Variants in MAP7 observed in about 807,000 individuals in gnomAD.
The protein encoded by MAP7 is ensconsin.
A neutral mutation model predicts 94.8 loss-of-function variants in MAP7; 52 were observed. That is an observed-to-expected ratio of 0.55 (90% confidence interval 0.44 to 0.69). MAP7 has a LOEUF of 0.69. Among genes scored for constraint, MAP7 ranks in the 30% least tolerant of loss-of-function variants. The probability of loss-of-function intolerance (pLI) is 0.00; values close to 1 mark genes in which losing one functional copy is unlikely to be tolerated. For missense variants in MAP7, 940 were observed against 964.6 expected (o/e 0.97, Z 0.34); for synonymous variants, 350 against 357.0 (o/e 0.98, Z 0.22).
At chr6:136,404,546 T>C (rs898912554) in intron 3 of MAP7, among the ~76,000 whole-genome samples, 6 of 152,350 alleles carry the variant, frequency 3.9e-5, no homozygotes, top group East Asian at 3.9e-4. Flanking sequence ...AATGAAATTA[T>C]AGATTTGTAA....
chr6:136,549,483 C>T (rs545440610), intron 1 of MAP7, among the ~76,000 whole-genome samples: 59 of 152,066 alleles, frequency 3.9e-4, no homozygotes, highest in African/African-American at 1.4e-3. Flanking sequence ...GAGAGATGGG[C>T]GGGGTTGGGA....
chr6:136,493,481 G>C (rs543954482), intron 1 of MAP7, among the ~76,000 whole-genome samples: 3 of 152,044 alleles, frequency 2.0e-5, no homozygotes, highest in African/African-American at 7.3e-5. Flanking sequence ...GCAATGGCTT[G>C]AACATTGTTC....
intron 1 of MAP7, among the ~76,000 whole-genome samples, chr6:136,496,190 C>T (rs1818155494): frequency 6.6e-6 from 1 of 152,174 alleles, no homozygotes; most frequent in Non-Finnish European, 1.5e-5. Flanking sequence ...TAGGTATTTT[C>T]CCCCAGGGGA....
At chr6:136,373,539 A>G (rs1310705352) in intron 7 of MAP7, among the ~76,000 whole-genome samples, 1 of 152,240 alleles carries the variant, frequency 6.6e-6, no homozygotes, top group Non-Finnish European at 1.5e-5. Flanking sequence ...AACTTATTGC[A>G]AACAACAGTG....
intron 1 of MAP7, among the ~76,000 whole-genome samples, chr6:136,463,220 T>C (rs1415230485): frequency 6.6e-6 from 1 of 152,104 alleles, no homozygotes; most frequent in Admixed American, 6.5e-5. Context: ...TAACCAGAAA[T>C]ACAATTTTCA....
intron 2 of MAP7, among the ~76,000 whole-genome samples, chr6:136,412,681 G>A (rs553449644): frequency 6.6e-5 from 10 of 152,122 alleles, no homozygotes; most frequent in African/African-American, 9.7e-5. Context: ...AGTAAGCGAC[G>A]GGGCTCATGG....
chr6:136,477,139 T>G (rs1811185624), intron 1 of MAP7, among the ~76,000 whole-genome samples: 1 of 152,206 alleles, frequency 6.6e-6, no homozygotes, highest in Admixed American at 6.5e-5. Flanking sequence ...ACTTAGCAGA[T>G]ACCACCTCAA....
intron 1 of MAP7, among the ~76,000 whole-genome samples, chr6:136,478,484 A>T (rs978240973): frequency 6.6e-6 from 1 of 152,110 alleles, no homozygotes; most frequent in Non-Finnish European, 1.5e-5. Flanking sequence ...TAACTTCTTT[A>T]AAAAAATACA....
At chr6:136,435,516 G>A (rs1267086455) in intron 1 of MAP7, among the ~76,000 whole-genome samples, 1 of 152,226 alleles carries the variant, frequency 6.6e-6, no homozygotes, top group Non-Finnish European at 1.5e-5. Flanking sequence ...TGCATTAGGA[G>A]TATTCTAAGT....
At chr6:136,472,392 T>A (rs1329315825) in intron 1 of MAP7, among the ~76,000 whole-genome samples, 1 of 152,208 alleles carries the variant, frequency 6.6e-6, no homozygotes, top group Non-Finnish European at 1.5e-5. Context: ...CAAACCAATG[T>A]AATCTTTCAG....
intron 1 of MAP7, among the ~76,000 whole-genome samples, chr6:136,518,338 A>G (rs1162654698): frequency 6.6e-6 from 1 of 152,202 alleles, no homozygotes; most frequent in African/African-American, 2.4e-5. Context: ...GAAAGATTAT[A>G]TGAGAATTTC....
intron 1 of MAP7, among the ~76,000 whole-genome samples, chr6:136,508,106 G>A (rs917833408): frequency 6.6e-6 from 1 of 152,084 alleles, no homozygotes; most frequent in African/African-American, 2.4e-5. Context: ...TGGGTGAATC[G>A]CTTCAGCTCA....
rs76345338 is a variant in MAP7, at chr6:136,499,788, C to G, written c.67+50554G>C. 6.6e-5 allele frequency among the ~76,000 whole-genome samples: 10 copies of G among 152,160 alleles called. No individual in the cohort carries two copies. In the East Asian group the frequency reaches 1.7e-3, roughly 26 times the overall value. On this transcript the variant is annotated intron_variant, in intron 1 of 17. Coordinates refer to ENST00000354570, the MANE Select transcript of MAP7 (RefSeq NM_003980.6). ...CCTAGGCAGGAGGATTGCTTGAGTCCAGGAGTTCCAGACCAGCCTGGCCGA... is the reference window on the plus strand; with the variant it reads ...CCTAGGCAGGAGGATTGCTTGAGTCGAGGAGTTCCAGACCAGCCTGGCCGA...
intron 5 of MAP7, among the ~76,000 whole-genome samples, chr6:136,385,280 A>G (rs371783067): frequency 6.8e-6 from 1 of 146,470 alleles, no homozygotes; most frequent in Non-Finnish European, 1.5e-5. Flanking sequence ...TAAAAAAAAA[A>G]CCACTTCTGT....
At chr6:136,497,797 CAAAA>C (rs1199112585) in intron 1 of MAP7, among the ~76,000 whole-genome samples, 2 of 46,564 alleles carry the variant, frequency 4.3e-5, no homozygotes, top group African/African-American at 6.7e-5. Context: ...GACTCTGTCA[CAAAA>C]AAAAAAAAAA....
At chr6:136,372,396 G>A (rs111965211) in intron 8 of MAP7, 105 bp downstream of exon 8, 26 of 1,313,654 alleles carry the variant, frequency 2.0e-5, no homozygotes, top group East Asian at 4.9e-5. Flanking sequence ...TGGATGTCAC[G>A]GTCTCCCCCT....
chr6:136,461,443 T>C (rs1165570949), intron 1 of MAP7, among the ~76,000 whole-genome samples: 1 of 152,238 alleles, frequency 6.6e-6, no homozygotes, highest in Non-Finnish European at 1.5e-5. Context: ...GACTATTTTA[T>C]AACTGTTATG....
At chr6:136,485,066 G>A (rs1402772254) in intron 1 of MAP7, among the ~76,000 whole-genome samples, 1 of 152,108 alleles carries the variant, frequency 6.6e-6, no homozygotes, top group Non-Finnish European at 1.5e-5. Context: ...AGCTTCTACT[G>A]TAGCTCAGGA....
intron 1 of MAP7, among the ~76,000 whole-genome samples, chr6:136,476,801 C>A (rs922125286): frequency 1.3e-5 from 2 of 152,058 alleles, no homozygotes; most frequent in Non-Finnish European, 2.9e-5. Flanking sequence ...AAATCTGAGA[C>A]AATTTGAGCA....
Sources: gnomAD v4.1 joint callset for allele counts (sites outside exome capture counted in the v4.1 genomes callset) on GRCh38, gnomAD v4.1.1 for gene constraint, MANE v1.5 for transcripts, NCBI Gene and HGNC (gene_info 2026-07-23, HGNC 2026-07-21) for gene names.